The following PCDHA7 variants were observed in gnomAD, a reference collection of about 807,000 sequenced individuals.
PCDHA7 encodes protocadherin alpha-7.
A neutral mutation model predicts 57.2 loss-of-function variants in PCDHA7; 37 were observed. The ratio of observed to expected loss-of-function variants is 0.65; its 90% CI spans 0.50 to 0.85. PCDHA7 has a LOEUF of 0.85. Ranked by LOEUF, PCDHA7 falls within the 40% of genes least tolerant of loss-of-function variation. PCDHA7 has a pLI of 0.00. For missense variants in PCDHA7, 1,188 were observed against 1,241.8 expected (o/e 0.96, Z 0.65); for synonymous variants, 553 against 558.8 (o/e 0.99, Z 0.15).
intron 3 of PCDHA7, among the ~76,000 whole-genome samples, chr5:140,996,661 G>A (rs1554255301): frequency 6.6e-6 from 1 of 152,194 alleles, no homozygotes; most frequent in Admixed American, 6.5e-5. Context: ...GTGCAGGCTA[G>A]TTTTTGAACC....
chr5:140,838,077 AGT>A (rs2150283763), intron 1 of PCDHA7, among the ~76,000 whole-genome samples: 14,554 of 79,570 alleles, frequency 0.18, 836 homozygotes, highest in Admixed American at 0.23. Context: ...ATATATATAT[AGT>A]GTGTGTGTGT....
At chr5:140,848,621 C>T (rs2150415318) in intron 1 of PCDHA7, 1 of 1,593,480 alleles carries the variant, frequency 6.3e-7, no homozygotes, top group Non-Finnish European at 8.6e-7. Context: ...CCGAACACGG[C>T]ACCTTCGTGG....
At chr5:140,967,171 G>A (rs181864889) in intron 1 of PCDHA7, 2 of 1,611,944 alleles carry the variant, frequency 1.2e-6, no homozygotes, top group Non-Finnish European at 8.5e-7. Flanking sequence ...GCGCCGTTGA[G>A]GTGGAAATAT....
At chr5:141,004,080 A>G (rs1554259443) in intron 3 of PCDHA7, among the ~76,000 whole-genome samples, 1 of 152,198 alleles carries the variant, frequency 6.6e-6, no homozygotes, top group Non-Finnish European at 1.5e-5. Context: ...TAGGGGTAGA[A>G]ATGTGCTTCT....
intron 3 of PCDHA7, among the ~76,000 whole-genome samples, chr5:140,983,328 T>G (rs1214241110): frequency 6.6e-6 from 1 of 152,218 alleles, no homozygotes; most frequent in East Asian, 1.9e-4. Flanking sequence ...ATTCTTGCCC[T>G]ATCACTAAAG....
At chr5:141,006,950 T>G (rs1169196116) in intron 3 of PCDHA7, among the ~76,000 whole-genome samples, 1 of 152,148 alleles carries the variant, frequency 6.6e-6, no homozygotes, top group African/African-American at 2.4e-5. Flanking sequence ...AGATAGGCAG[T>G]TATACATGAG....
intron 1 of PCDHA7, among the ~76,000 whole-genome samples, chr5:140,888,878 T>G (rs1280508372): frequency 6.6e-6 from 1 of 152,132 alleles, no homozygotes; most frequent in African/African-American, 2.4e-5. Flanking sequence ...ACATAAAAAT[T>G]AAAACATTAG....
chr5:140,853,497 T>C lies in PCDHA7; in HGVS notation c.2355+16759T>C, dbSNP rs1479086696. On this transcript the variant is annotated intron_variant, in intron 1 of 3. Coordinates refer to ENST00000525929, the MANE Select transcript of PCDHA7 (RefSeq NM_018910.3). Reference sequence around the variant, plus strand: ...TAACATTCCTCAATTCAAGTTAGAATCATGAAACAATAATGAAGCTCCTCC... The same window carrying C: ...TAACATTCCTCAATTCAAGTTAGAACCATGAAACAATAATGAAGCTCCTCC... The C allele has an allele frequency of 3.6e-5, 35 of 975,892 alleles. 4 individuals are homozygous for C. The highest frequency in any genetic ancestry group is 4.2e-5 in the Non-Finnish European group (34 of 808,754). The allele number at this position is 975,892 out of a possible 1,614,324, so 60.5% of individuals were successfully genotyped here.
At chr5:141,009,095 A>G (rs1304233331) in intron 3 of PCDHA7, among the ~76,000 whole-genome samples, 3 of 152,214 alleles carry the variant, frequency 2.0e-5, no homozygotes, top group Admixed American at 6.5e-5. Context: ...AGAACCAAAC[A>G]TATGTTACTA....
chr5:140,841,706 A>G, intron 1 of PCDHA7: 2 of 1,613,892 alleles, frequency 1.2e-6, no homozygotes, highest in Non-Finnish European at 1.7e-6. Context: ...TGTTAATGAC[A>G]ACCCGCCAGT....
chr5:140,850,992 G>T, intron 1 of PCDHA7: 1 of 1,444,816 alleles, frequency 6.9e-7, no homozygotes, highest in Non-Finnish European at 9.2e-7. Context: ...CATTTTTCTA[G>T]AAATCCAGCA....
chr5:140,927,796 C>T, intron 1 of PCDHA7: 1 of 1,614,202 alleles, frequency 6.2e-7, no homozygotes, highest in South Asian at 1.1e-5. Context: ...ACTAGGTCCG[C>T]CTGAAACGCT....
At chr5:140,874,530 G>T (rs1332198120) in intron 1 of PCDHA7, among the ~76,000 whole-genome samples, 2 of 152,200 alleles carry the variant, frequency 1.3e-5, no homozygotes, top group Admixed American at 6.5e-5. Flanking sequence ...ATGAGATTAG[G>T]CTCCAAAACC....
chr5:140,952,058 T>A (rs889374877), intron 1 of PCDHA7, among the ~76,000 whole-genome samples: 7 of 151,978 alleles, frequency 4.6e-5, no homozygotes, highest in Non-Finnish European at 8.8e-5. Context: ...ATCTTAAAGC[T>A]CCAAATAATC....
intron 1 of PCDHA7, among the ~76,000 whole-genome samples, chr5:140,936,049 C>A (rs1185871662): frequency 1.3e-5 from 2 of 151,974 alleles, no homozygotes; most frequent in African/African-American, 2.4e-5. Context: ...CCCACCACCA[C>A]ACCCGGCTAA....
At chr5:140,864,420 G>T (rs1430010861) in intron 1 of PCDHA7, 1 of 152,158 alleles carries the variant, frequency 6.6e-6, no homozygotes, top group African/African-American at 2.4e-5. Context: ...AGGCAGCTTC[G>T]TCCACAAACA....
At chr5:140,967,253 C>T in intron 1 of PCDHA7, 4 of 1,613,546 alleles carry the variant, frequency 2.5e-6, no homozygotes, top group South Asian at 1.1e-5. Context: ...ATCGGTGGCG[C>T]CTGGAGCGCG....
chr5:140,989,242 C>T (rs562894633), intron 3 of PCDHA7, among the ~76,000 whole-genome samples: 5 of 152,226 alleles, frequency 3.3e-5, no homozygotes, highest in African/African-American at 1.2e-4. Flanking sequence ...GTTTTAAGCC[C>T]CTTGTCAAAA....
At chr5:140,911,591 A>G (rs2075552073) in intron 1 of PCDHA7, among the ~76,000 whole-genome samples, 2 of 152,222 alleles carry the variant, frequency 1.3e-5, no homozygotes, top group Non-Finnish European at 1.5e-5. Context: ...AGGAGGAACC[A>G]ACCAACTTCA....
Sources: allele counts gnomAD v4.1 joint callset (sites outside exome capture counted in the v4.1 genomes callset), GRCh38; gene constraint gnomAD v4.1.1; transcripts MANE v1.5; gene names NCBI Gene and HGNC (gene_info 2026-07-23, HGNC 2026-07-21).